Variants in ZNF532 observed in about 807,000 individuals in gnomAD.
ZNF532 encodes the protein zinc finger protein 532.
Under a neutral mutation model 89.3 loss-of-function variants are expected in ZNF532, and 22 were observed. The ratio of observed to expected loss-of-function variants is 0.25; its 90% CI spans 0.18 to 0.35. ZNF532 has a LOEUF of 0.35. Among genes scored for constraint, ZNF532 ranks in the 10% least tolerant of loss-of-function variants. The probability of loss-of-function intolerance (pLI) is 1.00; values close to 1 mark genes in which losing one functional copy is unlikely to be tolerated. For synonymous variants in ZNF532, 606 were observed against 649.6 expected (o/e 0.93, Z 1.02); for missense variants, 1,132 against 1,643.4 (o/e 0.69, Z 5.38).
intron 3 of ZNF532, among the ~76,000 whole-genome samples, chr18:58,924,097 T>C (rs1040252038): frequency 6.6e-5 from 10 of 152,198 alleles, no homozygotes; most frequent in African/African-American, 2.4e-4. Context: ...CCTCAAGTGA[T>C]CCACCCGCCT....
chr18:58,896,795 A>G (rs961783110), intron 2 of ZNF532, among the ~76,000 whole-genome samples: 4 of 152,208 alleles, frequency 2.6e-5, no homozygotes, highest in Non-Finnish European at 5.9e-5. Flanking sequence ...TGGAAGGATT[A>G]ATCAGTAGAG....
intron 3 of ZNF532, among the ~76,000 whole-genome samples, chr18:58,933,278 A>C (rs1351791495): frequency 1.3e-5 from 2 of 152,184 alleles, no homozygotes; most frequent in Non-Finnish European, 2.9e-5. Flanking sequence ...TTTGTATTTT[A>C]GTCCTTTCAG....
At chr18:58,939,267 A>AC (rs1555737242) in intron 4 of ZNF532, among the ~76,000 whole-genome samples, 178 bp from the exon 5 acceptor site, 3 of 150,052 alleles carry the variant, frequency 2.0e-5, no homozygotes, top group African/African-American at 7.3e-5. Flanking sequence ...AAAAAAAAAA[A>AC]AAAAAAAACC....
At chr18:58,920,678 G>C in intron 3 of ZNF532, 45 bp downstream of exon 3, 2 of 1,509,164 alleles carry the variant, frequency 1.3e-6, no homozygotes, top group Non-Finnish European at 1.8e-6. Context: ...TGAGTCTGTA[G>C]GCATGAGTGC....
intron 2 of ZNF532, among the ~76,000 whole-genome samples, chr18:58,914,894 G>T (rs1036264969): frequency 6.6e-6 from 1 of 152,138 alleles, no homozygotes; most frequent in African/African-American, 2.4e-5. Flanking sequence ...TTAAGCAAAA[G>T]AATCTATTTT....
At chr18:58,934,229 A>G in intron 3 of ZNF532, 1 of 503,912 alleles carries the variant, frequency 2.0e-6, no homozygotes, top group Non-Finnish European at 3.5e-6. Context: ...GCCTGACTAG[A>G]TAGCACATAC....
intron 3 of ZNF532, among the ~76,000 whole-genome samples, chr18:58,923,014 G>A (rs913125108): frequency 6.6e-6 from 1 of 152,088 alleles, no homozygotes; most frequent in Non-Finnish European, 1.5e-5. Context: ...TGGTTGCTTT[G>A]GCATCACTTT....
At chr18:58,892,661 C>T (rs1286933815) in intron 2 of ZNF532, among the ~76,000 whole-genome samples, 2 of 152,234 alleles carry the variant, frequency 1.3e-5, no homozygotes, top group African/African-American at 2.4e-5. Flanking sequence ...TAAAGCGCTT[C>T]ACAACGATGC....
At chr18:58,868,966 A>G (rs1196026728) in intron 2 of ZNF532, among the ~76,000 whole-genome samples, 1 of 152,178 alleles carries the variant, frequency 6.6e-6, no homozygotes, top group Non-Finnish European at 1.5e-5. Context: ...TAGGTTGTAA[A>G]CCTATACAGC....
intron 6 of ZNF532, among the ~76,000 whole-genome samples, chr18:58,948,548 T>TTTTCC (rs1312604548): frequency 3.3e-5 from 5 of 151,340 alleles, no homozygotes; most frequent in Non-Finnish European, 7.4e-5. Context: ...GACTGTGAAG[T>TTTTCC]TTTCCTTTCC....
At chr18:58,888,739 T>TAA (rs1555709028) in intron 2 of ZNF532, among the ~76,000 whole-genome samples, 3 of 46,854 alleles carry the variant, frequency 6.4e-5, no homozygotes, top group Non-Finnish European at 9.2e-5. Context: ...TATATATATA[T>TAA]ATTTTATATA....
At position 58,940,923 on chromosome 18, in the gene ZNF532, TACACAC is replaced by T. The variant is rs200614911; in HGVS notation, c.2705+1333_2705+1338del. The stretch of plus-strand genomic sequence containing the variant: ...GAAGATACACAGCTATGCCATATTT[TACACAC>T]ACACACACACACACACACACACACA... On this transcript the variant is annotated intron_variant, in intron 5 of 9. Coordinates refer to ENST00000591808, the MANE Select transcript of ZNF532 (RefSeq NM_001375912.1). Among the ~76,000 whole-genome samples the T allele has an allele frequency of 2.0e-3, 235 of 118,644 alleles. 1 individual carries two copies. The highest frequency in any genetic ancestry group is 0.011 in the East Asian group (48 of 4,312). 77.8% of individuals were successfully genotyped at this position (118,644 alleles called of 152,430 possible). A position where few individuals can be genotyped will look rare whatever the true frequency, so the allele number is the denominator to read the frequency against.
intron 2 of ZNF532, among the ~76,000 whole-genome samples, chr18:58,917,697 C>T (rs1381749171): frequency 4.0e-5 from 6 of 151,412 alleles, no homozygotes; most frequent in Admixed American, 3.9e-4. Flanking sequence ...GAATCAGCTC[C>T]TTAGGGTTTT....
intron 7 of ZNF532, among the ~76,000 whole-genome samples, chr18:58,973,118 GAC>G (rs1409775579): frequency 6.6e-6 from 1 of 152,128 alleles, no homozygotes; most frequent in East Asian, 1.9e-4. Flanking sequence ...TGTTTTTTGA[GAC>G]AGAGTTTTCA....
chr18:58,958,796 G>A (rs762856521), intron 7 of ZNF532, among the ~76,000 whole-genome samples: 8 of 152,188 alleles, frequency 5.3e-5, no homozygotes, highest in Non-Finnish European at 1.2e-4. Flanking sequence ...TCAGGAGGAC[G>A]GGCGTGTCAG....
chr18:58,878,408 G>A (rs1425542232), intron 2 of ZNF532, among the ~76,000 whole-genome samples: 4 of 152,274 alleles, frequency 2.6e-5, no homozygotes, highest in Non-Finnish European at 4.4e-5. Context: ...ACAAGTGCAT[G>A]ATGGCAGGAG....
At chr18:58,983,864 C>T (rs1292918890) in intron 9 of ZNF532, 108 bp from the exon 10 acceptor site, 19 of 1,391,376 alleles carry the variant, frequency 1.4e-5, no homozygotes, top group Admixed American at 9.1e-5. Context: ...AATCCCAAAG[C>T]GTTCAGCACA....
chr18:58,943,074 A>C (rs1356708270), intron 5 of ZNF532, among the ~76,000 whole-genome samples: 1 of 151,178 alleles, frequency 6.6e-6, no homozygotes, highest in Non-Finnish European at 1.5e-5. Flanking sequence ...CAGGCATAGT[A>C]CCCTGCTGTT....
intron 2 of ZNF532, among the ~76,000 whole-genome samples, chr18:58,866,566 A>G (rs577065301): frequency 6.6e-6 from 1 of 152,364 alleles, no homozygotes; most frequent in East Asian, 1.9e-4. Flanking sequence ...AGAGGAGCCC[A>G]TAGAAGACAT....
Sources: allele counts gnomAD v4.1 joint callset (sites outside exome capture counted in the v4.1 genomes callset), GRCh38; gene constraint gnomAD v4.1.1; transcripts MANE v1.5; gene names NCBI Gene and HGNC (gene_info 2026-07-23, HGNC 2026-07-21).